The following NSMCE2 variants were observed in gnomAD, a reference collection of about 807,000 sequenced individuals.
NSMCE2 encodes the protein NSE2 SUMO ligase component of SMC5/6 complex.
NSMCE2 carries 24 observed loss-of-function variants against 23.8 expected under a neutral mutation model. That is an observed-to-expected ratio of 1.01 (90% CI 0.73 to 1.42). The LOEUF is 1.42. Ranked by LOEUF, NSMCE2 falls within the 40% of genes most tolerant of loss-of-function variation. The pLI is 0.00. For synonymous variants in NSMCE2, 92 were observed against 94.1 expected (o/e 0.98, Z 0.13); for missense variants, 284 against 296.5 (o/e 0.96, Z 0.31).
At chr8:125,155,513 T>C (rs1268806420) in intron 4 of NSMCE2, among the ~76,000 whole-genome samples, 1 of 152,218 alleles carries the variant, frequency 6.6e-6, no homozygotes, top group Non-Finnish European at 1.5e-5. Context: ...AATAGATTTT[T>C]GAGTGCCTAC....
intron 3 of NSMCE2, among the ~76,000 whole-genome samples, chr8:125,129,582 G>T (rs1472211544): frequency 6.7e-6 from 1 of 150,264 alleles, no homozygotes; most frequent in African/African-American, 2.5e-5. Flanking sequence ...GTGTGTGTCT[G>T]TGTGTTTCAT....
chr8:125,278,930 G>C (rs1361629829), intron 5 of NSMCE2, among the ~76,000 whole-genome samples: 1 of 151,686 alleles, frequency 6.6e-6, no homozygotes, highest in African/African-American at 2.4e-5. Flanking sequence ...TGGAATTAAG[G>C]CACATTCAGC....
intron 5 of NSMCE2, among the ~76,000 whole-genome samples, chr8:125,203,206 AT>A (rs1182900742): frequency 2.6e-5 from 4 of 151,718 alleles, no homozygotes; most frequent in African/African-American, 7.3e-5. Context: ...AAAAAAAAAA[AT>A]CACCAGATAA....
intron 4 of NSMCE2, among the ~76,000 whole-genome samples, chr8:125,167,712 G>T (rs1221301104): frequency 6.6e-6 from 1 of 151,844 alleles, no homozygotes; most frequent in Non-Finnish European, 1.5e-5. Flanking sequence ...AATAGTTTAG[G>T]CTAGACTTGG....
chr8:125,316,179 C>CT (rs1323551202), intron 5 of NSMCE2, among the ~76,000 whole-genome samples: 1 of 152,176 alleles, frequency 6.6e-6, no homozygotes, highest in African/African-American at 2.4e-5. Context: ...AGCATGTCTT[C>CT]TTTTTCAATT....
At chr8:125,273,717 G>A (rs777909408) in intron 5 of NSMCE2, among the ~76,000 whole-genome samples, 7 of 152,172 alleles carry the variant, frequency 4.6e-5, no homozygotes, top group Non-Finnish European at 1.0e-4. Context: ...AATGACCTAA[G>A]AAATGAACAG....
chr8:125,163,118 A>G (rs963389406), intron 4 of NSMCE2, among the ~76,000 whole-genome samples: 2 of 152,106 alleles, frequency 1.3e-5, no homozygotes, highest in Non-Finnish European at 2.9e-5. Context: ...TGTAATCCCA[A>G]CACTTTGGGA....
intron 5 of NSMCE2, among the ~76,000 whole-genome samples, chr8:125,310,710 G>A (rs1319284895): frequency 6.6e-6 from 1 of 152,092 alleles, no homozygotes; most frequent in Admixed American, 6.5e-5. Context: ...TGTGAACAGA[G>A]GTTTAGGCTG....
chr8:125,144,732 T>G (rs922031248), intron 3 of NSMCE2, among the ~76,000 whole-genome samples: 3 of 152,220 alleles, frequency 2.0e-5, no homozygotes, highest in African/African-American at 7.2e-5. Context: ...CTTTCATTCT[T>G]TCATACTTGT....
intron 5 of NSMCE2, among the ~76,000 whole-genome samples, chr8:125,194,717 T>G (rs532772143): frequency 1.3e-5 from 2 of 152,028 alleles, no homozygotes; most frequent in African/African-American, 2.4e-5. Context: ...TATAAAATTT[T>G]AAAAAAAAGA....
At chr8:125,188,727 T>G (rs1586585073) in intron 5 of NSMCE2, among the ~76,000 whole-genome samples, 1 of 152,210 alleles carries the variant, frequency 6.6e-6, no homozygotes, top group Non-Finnish European at 1.5e-5. Flanking sequence ...GAGTGAATGG[T>G]TTTGCTTTCA....
intron 3 of NSMCE2, among the ~76,000 whole-genome samples, chr8:125,144,504 G>C (rs944797608): frequency 6.6e-6 from 1 of 152,148 alleles, no homozygotes; most frequent in Admixed American, 6.5e-5. Context: ...AACTGGCGCC[G>C]GATAAGCTCA....
intron 5 of NSMCE2, among the ~76,000 whole-genome samples, chr8:125,255,326 G>A (rs1022846239): frequency 7.2e-5 from 11 of 152,096 alleles, no homozygotes; most frequent in African/African-American, 1.4e-4. Flanking sequence ...ATTTGTTGCT[G>A]GAACAAGGAG....
intron 5 of NSMCE2, among the ~76,000 whole-genome samples, chr8:125,304,431 A>T (rs547280153): frequency 6.6e-6 from 1 of 152,260 alleles, no homozygotes; most frequent in South Asian, 2.1e-4. Context: ...CCCGTGATGT[A>T]TGTGCTAAAG....
chr8:125,299,338 G>T (rs977489780), intron 5 of NSMCE2, among the ~76,000 whole-genome samples: 1 of 152,196 alleles, frequency 6.6e-6, no homozygotes, highest in Non-Finnish European at 1.5e-5. Context: ...AGAATGAACT[G>T]AGACTGGGTA....
chr8:125,189,833 CAT>C (rs1173729534), intron 5 of NSMCE2, among the ~76,000 whole-genome samples: 4 of 152,194 alleles, frequency 2.6e-5, no homozygotes, highest in Non-Finnish European at 2.9e-5. Context: ...TTGGCACAAA[CAT>C]ATAGTATATA....
At chr8:125,288,931 A>T (rs1208869855) in intron 5 of NSMCE2, among the ~76,000 whole-genome samples, 1 of 152,122 alleles carries the variant, frequency 6.6e-6, no homozygotes, top group Non-Finnish European at 1.5e-5. Context: ...GGTAGCCAGG[A>T]TCACAGGCAT....
chr8:125,217,516 A>G (rs1183826896), intron 5 of NSMCE2, among the ~76,000 whole-genome samples: 1 of 152,056 alleles, frequency 6.6e-6, no homozygotes, highest in Non-Finnish European at 1.5e-5. Context: ...ACCTACCGCC[A>G]CACATGGCTA....
intron 5 of NSMCE2, among the ~76,000 whole-genome samples, chr8:125,183,091 T>G (rs1468654070): frequency 6.6e-6 from 1 of 152,198 alleles, no homozygotes; most frequent in African/African-American, 2.4e-5. Context: ...TTTCTAACTT[T>G]AGTCTCCCAA....
Sources: gnomAD v4.1 joint callset for allele counts (sites outside exome capture counted in the v4.1 genomes callset) on GRCh38, gnomAD v4.1.1 for gene constraint, MANE v1.5 for transcripts, NCBI Gene and HGNC (gene_info 2026-07-23, HGNC 2026-07-21) for gene names.